Variants in CTNNA2 observed in about 807,000 individuals in gnomAD.
The protein encoded by CTNNA2 is catenin alpha 2, also known as catenin alpha-2.
CTNNA2 carries 42 observed loss-of-function variants against 101.0 expected under a neutral mutation model. That is an observed-to-expected ratio of 0.42 (90% confidence interval 0.32 to 0.54). The LOEUF (loss-of-function observed/expected upper bound fraction) is 0.54, where lower values mean the gene tolerates loss of function less well. CTNNA2 is among the 20% of genes least tolerant of loss of function. The pLI, the probability that CTNNA2 is intolerant of heterozygous loss-of-function variation, is 0.14. For synonymous variants in CTNNA2, 450 were observed against 456.4 expected, an observed-to-expected ratio of 0.99 and a Z score of 0.18; for missense variants, 871 against 1,223.1, an observed-to-expected ratio of 0.71 and a Z score of 4.29.
At chr2:79,792,491 T>C (rs1020680103) in intron 3 of CTNNA2, among the ~76,000 whole-genome samples, 1 of 152,192 alleles carries the variant, frequency 6.6e-6, no homozygotes, top group African/African-American at 2.4e-5. Context: ...TTAGATCCTG[T>C]GACATGCTGG....
chr2:80,188,774 C>T (rs923285136), intron 7 of CTNNA2, among the ~76,000 whole-genome samples: 1 of 152,056 alleles, frequency 6.6e-6, no homozygotes, highest in African/African-American at 2.4e-5. Context: ...TCGAGGTAAC[C>T]TCCCCGTCTC....
intron 7 of CTNNA2, among the ~76,000 whole-genome samples, chr2:80,131,796 A>C (rs1702430261): frequency 6.6e-6 from 1 of 152,188 alleles, no homozygotes; most frequent in African/African-American, 2.4e-5. Context: ...ATTAAAAACT[A>C]TCAGCCGGGC....
At chr2:79,799,159 A>G (rs1000329573) in intron 3 of CTNNA2, among the ~76,000 whole-genome samples, 1 of 149,626 alleles carries the variant, frequency 6.7e-6, no homozygotes, top group African/African-American at 2.5e-5. Flanking sequence ...CACAGTTATA[A>G]TTCGATGCAG....
intron 1 of CTNNA2, among the ~76,000 whole-genome samples, chr2:79,579,383 T>C (rs12986985): frequency 6.6e-6 from 1 of 152,134 alleles, no homozygotes; most frequent in East Asian, 1.9e-4. Flanking sequence ...TTTTTCAAGG[T>C]TTTATGAAGG....
At chr2:80,536,778 GA>G (rs1691065689) in intron 9 of CTNNA2, among the ~76,000 whole-genome samples, 1 of 152,174 alleles carries the variant, frequency 6.6e-6, no homozygotes, top group Non-Finnish European at 1.5e-5. Flanking sequence ...TGGCTCTTTT[GA>G]GACAGAGCTG....
intron 7 of CTNNA2, among the ~76,000 whole-genome samples, chr2:80,042,693 G>A (rs1240057920): frequency 6.6e-6 from 1 of 152,146 alleles, no homozygotes; most frequent in Non-Finnish European, 1.5e-5. Flanking sequence ...ATACTCATGT[G>A]GTACATTCAC....
chr2:80,243,439 A>T (rs555552159), intron 7 of CTNNA2, among the ~76,000 whole-genome samples: 4 of 152,072 alleles, frequency 2.6e-5, no homozygotes, highest in African/African-American at 9.6e-5. Context: ...TCCCACTCTC[A>T]TCTCCAGGCA....
At chr2:79,777,990 A>G (rs777951975) in intron 3 of CTNNA2, among the ~76,000 whole-genome samples, 3 of 151,090 alleles carry the variant, frequency 2.0e-5, no homozygotes, top group Non-Finnish European at 2.9e-5. Flanking sequence ...TGATTGCATG[A>G]TCTGTCTATA....
chr2:79,799,981 A>G (rs1312829412), intron 3 of CTNNA2, among the ~76,000 whole-genome samples: 1 of 152,186 alleles, frequency 6.6e-6, no homozygotes, highest in Non-Finnish European at 1.5e-5. Flanking sequence ...AAGCAATCAC[A>G]TGATCTGAAA....
chr2:80,203,081 G>A (rs1242080799), intron 7 of CTNNA2, among the ~76,000 whole-genome samples: 2 of 152,126 alleles, frequency 1.3e-5, no homozygotes, highest in Non-Finnish European at 2.9e-5. Context: ...AGCATGGGAA[G>A]ACCCATCCCC....
chr2:79,221,730 A>T (rs1224644964), intron 2 of CTNNA2, among the ~76,000 whole-genome samples: 1 of 152,142 alleles, frequency 6.6e-6, no homozygotes, highest in Non-Finnish European at 1.5e-5. Flanking sequence ...AAGACTTGGT[A>T]TTAGAGATAA....
chr2:79,720,149 G>C (rs1460163375), intron 2 of CTNNA2, among the ~76,000 whole-genome samples: 8 of 151,850 alleles, frequency 5.3e-5, no homozygotes, highest in Non-Finnish European at 1.0e-4. Flanking sequence ...TTGAATAAGG[G>C]GTCCTTTCCC....
At chr2:79,260,908 C>A (rs918315255) in intron 2 of CTNNA2, among the ~76,000 whole-genome samples, 6 of 152,124 alleles carry the variant, frequency 3.9e-5, no homozygotes, top group African/African-American at 1.4e-4. Flanking sequence ...TTTATATAGG[C>A]CTAATTCATC....
intron 4 of CTNNA2, among the ~76,000 whole-genome samples, chr2:79,461,205 A>C (rs1444056754): frequency 2.0e-5 from 3 of 152,184 alleles, no homozygotes; most frequent in Non-Finnish European, 4.4e-5. Context: ...ATATCTTCTA[A>C]ATTATCTTCA....
At chr2:80,638,873 C>T (rs3770376) in intron 18 of CTNNA2, among the ~76,000 whole-genome samples, 87,268 of 151,956 alleles carry the variant, frequency 0.57, 25,291 homozygotes, top group East Asian at 0.69. Flanking sequence ...GTGGTAAATT[C>T]CTCAGCAAGG....
At chr2:79,916,776 C>A (rs1190426450) in intron 7 of CTNNA2, among the ~76,000 whole-genome samples, 3 of 151,854 alleles carry the variant, frequency 2.0e-5, no homozygotes, top group Admixed American at 6.6e-5. Context: ...GCACCCACCA[C>A]CACGCCCAGC....
intron 7 of CTNNA2, among the ~76,000 whole-genome samples, chr2:80,173,859 A>G (rs1285202116): frequency 6.6e-6 from 1 of 152,156 alleles, no homozygotes; most frequent in African/African-American, 2.4e-5. Context: ...GTATACCACT[A>G]GTAGCCTGCA....
At chr2:79,560,656 C>A (rs2104125420) in intron 1 of CTNNA2, among the ~76,000 whole-genome samples, 1 of 151,950 alleles carries the variant, frequency 6.6e-6, no homozygotes, top group South Asian at 2.1e-4. Flanking sequence ...CTAGAAAAAG[C>A]AGATTTCTTA....
At chr2:80,541,777 C>T (rs1691577252) in intron 9 of CTNNA2, among the ~76,000 whole-genome samples, 1 of 151,828 alleles carries the variant, frequency 6.6e-6, no homozygotes, top group African/African-American at 2.4e-5. Flanking sequence ...CAACTCCAAA[C>T]CACACTCAGG....
Sources: gnomAD v4.1 joint callset for allele counts (sites outside exome capture counted in the v4.1 genomes callset) on GRCh38, gnomAD v4.1.1 for gene constraint, MANE v1.5 for transcripts, NCBI Gene and HGNC (gene_info 2026-07-23, HGNC 2026-07-21) for gene names.